Variants in OSBPL1A observed in about 807,000 individuals in gnomAD.
The protein encoded by OSBPL1A is oxysterol-binding protein-related protein 1.
In OSBPL1A, 80 loss-of-function variants were observed where a neutral mutation model predicts 137.1. The observed-to-expected ratio is 0.58, with a 90% CI of 0.49 to 0.70. OSBPL1A has a LOEUF of 0.70. Among genes scored for constraint, OSBPL1A ranks in the 30% least tolerant of loss-of-function variants. The pLI, the probability that OSBPL1A is intolerant of heterozygous loss-of-function variation, is 0.00. For missense variants in OSBPL1A, 970 were observed against 1,129.4 expected (o/e 0.86, Z 2.02); for synonymous variants, 365 against 389.7 (o/e 0.94, Z 0.75).
intron 16 of OSBPL1A, among the ~76,000 whole-genome samples, chr18:24,236,841 T>A (rs544440711): frequency 6.6e-6 from 1 of 152,206 alleles, no homozygotes; most frequent in Non-Finnish European, 1.5e-5. Context: ...TGGTTCTTTT[T>A]CTCTCTTCCT....
chr18:24,321,604 A>G, intron 7 of OSBPL1A: 1 of 461,494 alleles, frequency 2.2e-6, no homozygotes, highest in Non-Finnish European at 4.4e-6. Flanking sequence ...TGTATTTTCA[A>G]TTTACAATGG....
chr18:24,277,675 G>A (rs555809029), intron 15 of OSBPL1A, among the ~76,000 whole-genome samples: 4 of 152,284 alleles, frequency 2.6e-5, no homozygotes, highest in African/African-American at 9.6e-5. Flanking sequence ...TATAATGCCA[G>A]ATAAAAAAGG....
chr18:24,380,237 C>A (rs1906483425), intron 1 of OSBPL1A, among the ~76,000 whole-genome samples: 1 of 152,144 alleles, frequency 6.6e-6, no homozygotes, highest in South Asian at 2.1e-4. Flanking sequence ...CAGGAAGCCA[C>A]CAGGGGTGTA....
At chr18:24,272,084 C>G (rs2146059637) in intron 15 of OSBPL1A, 2 of 982,548 alleles carry the variant, frequency 2.0e-6, no homozygotes, top group African/African-American at 3.5e-5. Context: ...GGCGGAGGCG[C>G]AGGTAGGGAC....
intron 3 of OSBPL1A, chr18:24,367,882 C>T (rs966113754): frequency 6.5e-6 from 1 of 152,722 alleles, no homozygotes; most frequent in African/African-American, 2.4e-5. Flanking sequence ...AATATGAGCT[C>T]TCAATTCTCT....
At chr18:24,183,803 TG>T (rs2145927442) in intron 18 of OSBPL1A, among the ~76,000 whole-genome samples, 1 of 152,334 alleles carries the variant, frequency 6.6e-6, no homozygotes, top group East Asian at 1.9e-4. Flanking sequence ...CACTGTGTTT[TG>T]GGGATCTTTT....
chr18:24,326,139 A>G (rs1302021720), intron 7 of OSBPL1A, among the ~76,000 whole-genome samples: 1 of 152,214 alleles, frequency 6.6e-6, no homozygotes, highest in Non-Finnish European at 1.5e-5. Flanking sequence ...TCTTATCACT[A>G]GACTTTTGAG....
intron 18 of OSBPL1A, among the ~76,000 whole-genome samples, chr18:24,184,256 C>G (rs1330968962): frequency 1.3e-5 from 2 of 152,074 alleles, no homozygotes; most frequent in Admixed American, 1.3e-4. Context: ...TCCAAAACAC[C>G]TTAACCAATT....
chr18:24,385,330 G>C (rs576916264), intron 1 of OSBPL1A, among the ~76,000 whole-genome samples: 1 of 152,302 alleles, frequency 6.6e-6, no homozygotes. Context: ...GTTCGAGGCT[G>C]CTGTGAGCTA....
chr18:24,337,375 T>TTAGCATAACATAACATAACA (rs2091192128), intron 5 of OSBPL1A, among the ~76,000 whole-genome samples: 1 of 141,314 alleles, frequency 7.1e-6, no homozygotes, highest in Non-Finnish European at 1.5e-5. Context: ...AAACATAACA[T>TTAGCATAACATAACATAACA]TAACATAACA....
intron 4 of OSBPL1A, among the ~76,000 whole-genome samples, chr18:24,351,437 A>C (rs2091439935): frequency 6.6e-6 from 1 of 151,986 alleles, no homozygotes; most frequent in South Asian, 2.1e-4. Flanking sequence ...TCATAGTAAA[A>C]GACAGTAAAA....
chr18:24,345,615 G>A (rs2091334535), intron 4 of OSBPL1A, among the ~76,000 whole-genome samples: 1 of 152,178 alleles, frequency 6.6e-6, no homozygotes, highest in Non-Finnish European at 1.5e-5. Context: ...GAGCCCAGGA[G>A]GCGGAGGTTG....
chr18:24,280,494 T>C (rs2089935160), intron 15 of OSBPL1A, among the ~76,000 whole-genome samples: 1 of 152,244 alleles, frequency 6.6e-6, no homozygotes. Context: ...ATAAGTATGA[T>C]AGTACTCTAT....
chr18:24,388,556 T>C (rs575189744), intron 1 of OSBPL1A, among the ~76,000 whole-genome samples: 2 of 152,038 alleles, frequency 1.3e-5, no homozygotes, highest in Admixed American at 1.3e-4. Context: ...TCCCAGCATT[T>C]TGGGAGGCCA....
intron 26 of OSBPL1A, 71 bp downstream of exon 26, chr18:24,166,508 A>T: frequency 6.5e-7 from 1 of 1,531,098 alleles, no homozygotes; most frequent in Non-Finnish European, 8.8e-7. Flanking sequence ...GCTAACAATC[A>T]CCAGGAATAA....
intron 14 of OSBPL1A, among the ~76,000 whole-genome samples, chr18:24,288,371 G>A (rs2090108840): frequency 6.6e-6 from 1 of 152,190 alleles, no homozygotes; most frequent in African/African-American, 2.4e-5. Flanking sequence ...TATACCCTAA[G>A]GCACTGAATG....
chr18:24,191,924 A>G (rs961859075), intron 18 of OSBPL1A, among the ~76,000 whole-genome samples: 5 of 152,262 alleles, frequency 3.3e-5, no homozygotes, highest in African/African-American at 1.2e-4. Context: ...TGACTGAAGA[A>G]TAGCTTGCTC....
chr18:24,353,320 C>T (rs1433770733), intron 4 of OSBPL1A, among the ~76,000 whole-genome samples: 2 of 152,156 alleles, frequency 1.3e-5, no homozygotes, highest in African/African-American at 4.8e-5. Flanking sequence ...TGAAAAAATG[C>T]TCATCATCAC....
intron 17 of OSBPL1A, among the ~76,000 whole-genome samples, chr18:24,212,557 TGA>T (rs2087577143): frequency 1.3e-5 from 2 of 152,186 alleles, no homozygotes; most frequent in African/African-American, 4.8e-5. Flanking sequence ...CATTTAAATC[TGA>T]GAGTAAATAC....
Sources: allele counts gnomAD v4.1 joint callset (sites outside exome capture counted in the v4.1 genomes callset), GRCh38; gene constraint gnomAD v4.1.1; transcripts MANE v1.5; gene names NCBI Gene and HGNC (gene_info 2026-07-23, HGNC 2026-07-21).